ANK2: variants seen among roughly 807,000 people sequenced by gnomAD.
ANK2 encodes ankyrin-2.
ANK2 carries 83 observed loss-of-function variants against 360.5 expected under a neutral mutation model. The ratio of observed to expected loss-of-function variants is 0.23; its 90% CI spans 0.19 to 0.28. The LOEUF is 0.28. Ranked by LOEUF, ANK2 falls within the 10% of genes least tolerant of loss-of-function variation. The pLI, the probability that ANK2 is intolerant of heterozygous loss-of-function variation, is 1.00. For missense variants in ANK2, 4,201 were observed against 4,795.7 expected, an observed-to-expected ratio of 0.88 and a Z score of 3.66; for synonymous variants, 1,740 against 1,759.5, an observed-to-expected ratio of 0.99 and a Z score of 0.28.
intron 24 of ANK2, among the ~76,000 whole-genome samples, chr4:113,315,896 CAAAA>C (rs70961811): frequency 0.044 from 2,171 of 49,132 alleles, 29 homozygotes; most frequent in African/African-American, 0.12. Context: ...GACTCCGTCT[CAAAA>C]AAAAAAAAAA....
chr4:112,742,711 G>A, the ANK2 span, among the ~76,000 whole-genome samples: 1 of 151,824 alleles, frequency 6.6e-6, no homozygotes, highest in Non-Finnish European at 1.5e-5. Flanking sequence ...GGGGATTTCA[G>A]TCCTCATTCC....
intron 1 of ANK2, among the ~76,000 whole-genome samples, chr4:112,819,675 A>G (rs2056425262): frequency 6.6e-6 from 1 of 152,182 alleles, no homozygotes; most frequent in African/African-American, 2.4e-5. Flanking sequence ...AGACAGTTCT[A>G]ATTCATCTTT....
intron 1 of ANK2, among the ~76,000 whole-genome samples, chr4:113,057,350 G>A (rs576652936): frequency 2.6e-5 from 4 of 152,158 alleles, no homozygotes; most frequent in South Asian, 2.1e-4. Flanking sequence ...GTACAGAGCC[G>A]TAAGTTATGG....
intron 1 of ANK2, among the ~76,000 whole-genome samples, chr4:112,828,240 T>TC (rs2058856275): frequency 6.7e-6 from 1 of 148,182 alleles, no homozygotes; most frequent in Non-Finnish European, 1.5e-5. Flanking sequence ...GACTTTTTTT[T>TC]TTTTTTTTTT....
chr4:113,373,264 C>T lies in ANK2; in HGVS notation c.11695-21C>T, dbSNP rs758417926. 6 of 1,613,878 alleles carry T rather than the reference C, an allele frequency of 3.7e-6. No individual in the cohort carries two copies. The East Asian group carries it at 1.3e-4, about 36-fold the overall frequency. On this transcript the variant is annotated intron_variant, in intron 44 of 45. Transcript: ENST00000357077. ...GGTACTGTCACACAAAAATAAGATA[C>T]ACAAATGAAATACATTTCAGGTTAC... is the stretch of plus-strand genomic sequence containing the variant.
intron 2 of ANK2, among the ~76,000 whole-genome samples, chr4:113,180,484 G>A (rs569912472): frequency 1.1e-4 from 17 of 152,148 alleles, no homozygotes; most frequent in African/African-American, 4.1e-4. Flanking sequence ...GCACTGATTC[G>A]CACAAGCAGG....
chr4:112,907,312 T>A (rs1561043643), intron 2 of ANK2, among the ~76,000 whole-genome samples: 1 of 152,206 alleles, frequency 6.6e-6, no homozygotes, highest in Non-Finnish European at 1.5e-5. Context: ...TTTAGGAGTG[T>A]TTACTTGAGG....
chr4:112,758,947 T>A, the ANK2 span, among the ~76,000 whole-genome samples: 1 of 152,184 alleles, frequency 6.6e-6, no homozygotes, highest in African/African-American at 2.4e-5. Context: ...AGCAACATAG[T>A]TATCTAGTGC....
intron 1 of ANK2, among the ~76,000 whole-genome samples, chr4:113,108,161 A>G (rs72910271): frequency 1.3e-5 from 2 of 152,106 alleles, no homozygotes; most frequent in Non-Finnish European, 2.9e-5. Context: ...AACAATACCT[A>G]TTTGTAGGCA....
At chr4:112,807,119 A>G in the ANK2 span, among the ~76,000 whole-genome samples, 1 of 152,148 alleles carries the variant, frequency 6.6e-6, no homozygotes, top group African/African-American at 2.4e-5. Flanking sequence ...CTGCATCCTC[A>G]TGTCCTGCTG....
chr4:112,738,132 G>A, the ANK2 span, among the ~76,000 whole-genome samples: 13 of 152,264 alleles, frequency 8.5e-5, no homozygotes, highest in South Asian at 2.1e-4. Context: ...ACATGAGGCC[G>A]GGTGCAGTGG....
Position 113,341,906 on chromosome 4 carries a change from G to T in ANK2, c.4112G>T (p.Arg1371Met), listed in dbSNP as rs755247866. The T allele has an allele frequency of 6.2e-7, 1 of 1,610,208 alleles. No homozygotes were observed. The highest frequency in any genetic ancestry group is 1.7e-5 in the Admixed American group (1 of 60,014). ...AATTTTGCTGAGGTGGCCAGAAGCA[G>T]GGATGTGGAGGTACTGTACCAAAAA... The part of the protein sequence containing the change: ...QENFAEVARS[R>M]DVEVLEGKPI... The change falls in exon 33 of 46, where the codon AGG becomes ATG. Residue 1371 changes from arginine to methionine, a missense_variant. Coordinates refer to ENST00000357077, the MANE Select transcript of ANK2 (RefSeq NM_001148.6).
At chr4:112,736,554 G>GA in the ANK2 span, among the ~76,000 whole-genome samples, 1 of 151,982 alleles carries the variant, frequency 6.6e-6, no homozygotes, top group East Asian at 1.9e-4. Context: ...TGAGTCCAGA[G>GA]AATCAGGTAT....
chr4:113,270,578 A>G lies in ANK2; in HGVS notation c.1486-3874A>G, dbSNP rs116060678. Among the ~76,000 whole-genome samples, 1,051 of 151,822 alleles carry G rather than the reference A, an allele frequency of 6.9e-3. 8 individuals are homozygous for G. Among genetic ancestry groups the G allele is most frequent in the Non-Finnish European group, 8.4e-3 (571 of 67,888 alleles). ...AAATTTCAGATGTTATCTTTTGTTT[A>G]TTTTTTTTCTTTTCAGCTCTACCTC... On this transcript the variant is annotated intron_variant, in intron 14 of 45. Transcript: ENST00000357077.
chr4:112,937,768 G>A (rs1424854717), intron 2 of ANK2, among the ~76,000 whole-genome samples: 32 of 152,184 alleles, frequency 2.1e-4, no homozygotes, highest in Non-Finnish European at 1.5e-5. Context: ...TATTGGCTAT[G>A]ATGTTTTCAG....
rs1220803651 is a variant in ANK2, at chr4:113,237,619, T to G, written c.690T>G (p.Thr230=). The G allele has an allele frequency of 6.2e-7, 1 of 1,609,146 alleles. No individual in the cohort carries two copies. Among genetic ancestry groups the G allele is most frequent in the Non-Finnish European group, 8.5e-7 (1 of 1,175,498 alleles). The change falls in exon 7 of 46, where the codon ACT becomes ACG. Residue 230 remains threonine (T), a synonymous_variant. Coordinates refer to ENST00000357077, the MANE Select transcript of ANK2 (RefSeq NM_001148.6). ...TTCAGATGATGGTGAATAGGACAAC[T>G]GAGGTACAGTATTGTGGTTATACCA... ...VQSKMMVNRT[T]ESGFTPLHIA... is the part of the protein sequence containing the mutation.
chr4:113,337,693 G>C (rs1240932484), intron 31 of ANK2, among the ~76,000 whole-genome samples: 7 of 151,948 alleles, frequency 4.6e-5, no homozygotes, highest in Non-Finnish European at 1.0e-4. Context: ...GTTTCTTGTA[G>C]TTATGATAGA....
the ANK2 span, among the ~76,000 whole-genome samples, chr4:112,742,829 A>G: frequency 6.6e-6 from 1 of 151,854 alleles, no homozygotes; most frequent in African/African-American, 2.4e-5. Context: ...GGTTCAAGCA[A>G]TTCTCCTGCC....
chr4:113,197,901 G>T lies in ANK2; in HGVS notation c.286-1110G>T, dbSNP rs540301061. 3.9e-5 allele frequency among the ~76,000 whole-genome samples: 6 copies of T among 152,180 alleles called. No individual in the cohort carries two copies. In the East Asian group the frequency reaches 7.7e-4, roughly 20 times the overall value. ...TATCTATTTGAAGCCCAGTGTGCTGGCTCACATCTGTAATCCCAGCTACTT... is the reference window on the plus strand; with the variant it reads ...TATCTATTTGAAGCCCAGTGTGCTGTCTCACATCTGTAATCCCAGCTACTT... On this transcript the variant is annotated intron_variant, in intron 3 of 45. Coordinates refer to ENST00000357077, the MANE Select transcript of ANK2 (RefSeq NM_001148.6).
Sources: allele counts gnomAD v4.1 joint callset (sites outside exome capture counted in the v4.1 genomes callset), GRCh38; gene constraint gnomAD v4.1.1; transcripts MANE v1.5; gene names NCBI Gene and HGNC (gene_info 2026-07-23, HGNC 2026-07-21).